MAP4: variants seen among roughly 807,000 people sequenced by gnomAD.
MAP4 encodes the protein microtubule associated protein 4.
MAP4 carries 76 observed loss-of-function variants against 170.2 expected under a neutral mutation model. That is an observed-to-expected ratio of 0.45 (90% CI 0.37 to 0.54). MAP4 has a LOEUF of 0.54. MAP4 is among the 20% of genes least tolerant of loss of function. MAP4 has a pLI of 0.00. For synonymous variants in MAP4, 909 were observed against 994.5 expected, an observed-to-expected ratio of 0.91 and a Z score of 1.62; for missense variants, 2,506 against 2,748.0, an observed-to-expected ratio of 0.91 and a Z score of 1.97.
chr3:47,877,790 C>T (rs1166256995), intron 10 of MAP4: 1 of 225,664 alleles, frequency 4.4e-6, no homozygotes, highest in Non-Finnish European at 8.6e-6. Flanking sequence ...AAAAAATGGT[C>T]CTTTAAGTTT....
chr3:47,963,905 A>T (rs2100073209), intron 3 of MAP4, among the ~76,000 whole-genome samples: 1 of 152,232 alleles, frequency 6.6e-6, no homozygotes, highest in South Asian at 2.1e-4. Context: ...GATAGTCGAG[A>T]AGTACTCATT....
chr3:48,078,928 T>G (rs1444611479), intron 1 of MAP4, among the ~76,000 whole-genome samples: 2 of 152,002 alleles, frequency 1.3e-5, no homozygotes, highest in Non-Finnish European at 2.9e-5. Context: ...CTCAGCATGT[T>G]AGGAGGCTGA....
At chr3:47,892,003 C>T (rs756534006) in intron 10 of MAP4, 1 of 1,536,342 alleles carries the variant, frequency 6.5e-7, no homozygotes, top group South Asian at 1.2e-5. Flanking sequence ...CAGGGAAATC[C>T]AGATCTGACT....
At chr3:48,055,182 C>CTG in intron 1 of MAP4, among the ~76,000 whole-genome samples, 2 of 82,266 alleles carry the variant, frequency 2.4e-5, no homozygotes, top group African/African-American at 1.0e-4. Flanking sequence ...AAAAGTCTCC[C>CTG]TCTCCCTCTC....
intron 1 of MAP4, among the ~76,000 whole-genome samples, chr3:48,079,092 G>A (rs1407251214): frequency 6.6e-6 from 1 of 151,306 alleles, no homozygotes; most frequent in Non-Finnish European, 1.5e-5. Flanking sequence ...GATCACCTGA[G>A]CCCAGAAGTT....
intron 1 of MAP4, among the ~76,000 whole-genome samples, chr3:48,005,253 C>A (rs1253695794): frequency 6.6e-6 from 1 of 152,002 alleles, no homozygotes; most frequent in Non-Finnish European, 1.5e-5. Context: ...CCCAGCTACT[C>A]GGCAGGCTGA....
intron 1 of MAP4, among the ~76,000 whole-genome samples, chr3:48,025,900 C>CG (rs1323983203): frequency 1.8e-5 from 1 of 55,482 alleles, no homozygotes; most frequent in Non-Finnish European, 4.2e-5. Context: ...AACTCTGCCT[C>CG]AAAAATAATA....
chr3:47,975,461 G>C (rs1410054082), intron 3 of MAP4: 1 of 1,568,898 alleles, frequency 6.4e-7, no homozygotes, highest in East Asian at 2.3e-5. Context: ...AGACACGCTA[G>C]GCTTCTAGGA....
chr3:47,866,343 AAAC>A (rs2079941047), intron 17 of MAP4, among the ~76,000 whole-genome samples: 1 of 151,336 alleles, frequency 6.6e-6, no homozygotes, highest in South Asian at 2.1e-4. Flanking sequence ...ATCAAAACAA[AAAC>A]AAAACAAACA....
chr3:47,951,882 C>T lies in MAP4; in HGVS notation c.293-23532G>A, dbSNP rs567502317. Reference sequence around the variant, plus strand: ...AAAGTGAGGAGCGTCTCTGCCCGCCCGCCATCCCATCTAGGAAGTGAGGAG... The same window carrying T: ...AAAGTGAGGAGCGTCTCTGCCCGCCTGCCATCCCATCTAGGAAGTGAGGAG... On this transcript the variant is annotated intron_variant, in intron 3 of 20. Coordinates refer to ENST00000683076, the MANE Select transcript of MAP4 (RefSeq NM_001385682.1). 8.3e-3 allele frequency among the ~76,000 whole-genome samples: 1,252 copies of T among 151,334 alleles called. 7 individuals carry two copies. The highest frequency in any genetic ancestry group is 0.013 in the Non-Finnish European group (908 of 67,850).
intron 3 of MAP4, among the ~76,000 whole-genome samples, chr3:47,975,876 G>A (rs1177764338): frequency 3.3e-5 from 5 of 150,050 alleles, no homozygotes; most frequent in Non-Finnish European, 7.4e-5. Context: ...TGAAACCTCC[G>A]CCTCCTGGGT....
chr3:47,969,595 C>T (rs2100077323), intron 3 of MAP4, among the ~76,000 whole-genome samples: 1 of 152,138 alleles, frequency 6.6e-6, no homozygotes, highest in Non-Finnish European at 1.5e-5. Context: ...CCACCTCACA[C>T]TCTGTTAAGT....
chr3:48,034,795 TTGAGTCCA>T (rs2154523927), intron 1 of MAP4, among the ~76,000 whole-genome samples: 1 of 152,226 alleles, frequency 6.6e-6, no homozygotes, highest in South Asian at 2.1e-4. Context: ...GGAGGATTGC[TTGAGTCCA>T]GGAGTTCAAG....
At chr3:47,893,672 T>C (rs114143014) in intron 10 of MAP4, among the ~76,000 whole-genome samples, 4,741 of 152,302 alleles carry the variant, frequency 0.031, 111 homozygotes, top group Non-Finnish European at 0.049. Context: ...TGTAAGTTAC[T>C]GTCTTGCAAT....
At chr3:47,955,382 C>G (rs1485245924) in intron 3 of MAP4, among the ~76,000 whole-genome samples, 2 of 151,156 alleles carry the variant, frequency 1.3e-5, no homozygotes, top group Non-Finnish European at 2.9e-5. Flanking sequence ...CATAATGTAG[C>G]CCACAGAGAT....
rs1234666891 is a variant in MAP4, at chr3:47,940,513, ATCCCTAG to A, written c.293-12170_293-12164del. Among the ~76,000 whole-genome samples the A allele has an allele frequency of 3.9e-5, 6 of 152,340 alleles. No individual in the cohort carries two copies. The East Asian group carries it at 1.2e-3, about 29-fold the overall frequency. ...AAAATACTTACCACTACCACTGGCC[ATCCCTAG>A]AGACTTTGATTCTCCTATAAAAGTA... On this transcript the variant is annotated intron_variant, in intron 3 of 20. Transcript: ENST00000683076.
intron 1 of MAP4, among the ~76,000 whole-genome samples, chr3:48,062,341 C>A (rs1038904993): frequency 3.3e-5 from 5 of 151,494 alleles, no homozygotes; most frequent in Admixed American, 1.3e-4. Flanking sequence ...ATCTCAAGTA[C>A]CCAGGGACAC....
intron 10 of MAP4, among the ~76,000 whole-genome samples, chr3:47,896,611 T>C (rs2100027023): frequency 6.6e-6 from 1 of 152,178 alleles, no homozygotes; most frequent in Admixed American, 6.5e-5. Flanking sequence ...ATAGGGAATC[T>C]GATGTGTAGT....
chr3:47,956,570 T>A (rs1336802233), intron 3 of MAP4, among the ~76,000 whole-genome samples: 1 of 152,176 alleles, frequency 6.6e-6, no homozygotes, highest in East Asian at 1.9e-4. Flanking sequence ...AAGGATTTTG[T>A]TGGCTAGTTA....
Sources: gnomAD v4.1 joint callset for allele counts (sites outside exome capture counted in the v4.1 genomes callset) on GRCh38, gnomAD v4.1.1 for gene constraint, MANE v1.5 for transcripts, NCBI Gene and HGNC (gene_info 2026-07-23, HGNC 2026-07-21) for gene names.